The following GET4 variants were observed in gnomAD, a reference collection of about 807,000 sequenced individuals.
The protein encoded by GET4 is guided entry of tail-anchored proteins factor 4, also known as Golgi to ER traffic protein 4 homolog.
GET4 carries 20 observed loss-of-function variants against 40.0 expected under a neutral mutation model. The ratio of observed to expected loss-of-function variants is 0.50; its 90% CI spans 0.35 to 0.73. GET4 has a LOEUF of 0.73. GET4 is among the 30% of genes least tolerant of loss of function. The pLI is 0.01. For synonymous variants in GET4, 280 were observed against 194.6 expected, an observed-to-expected ratio of 1.44 and a Z score of -3.65; for missense variants, 557 against 454.0, an observed-to-expected ratio of 1.23 and a Z score of -2.06.
At chr7:892,489 G>C in intron 6 of GET4, 71 bp downstream of exon 6, 1 of 1,505,750 alleles carries the variant, frequency 6.6e-7, no homozygotes, top group Non-Finnish European at 9.1e-7. Flanking sequence ...GGTGTGGATA[G>C]CTGTGTGGGT....
At chr7:882,095 T>C (rs1327490747) in intron 1 of GET4, 2 of 152,346 alleles carry the variant, frequency 1.3e-5, no homozygotes, top group African/African-American at 4.8e-5. Flanking sequence ...CCAGCTTGAT[T>C]CCATGTCGGT....
At chr7:883,894 A>G in intron 1 of GET4, 1 of 1,024,960 alleles carries the variant, frequency 9.8e-7, no homozygotes, top group Non-Finnish European at 1.2e-6. Flanking sequence ...GCCCCCAGCC[A>G]GGCCGGGGAC....
At chr7:886,709 C>T (rs560931680) in intron 3 of GET4, 59 bp downstream of exon 3, 3 of 1,094,434 alleles carry the variant, frequency 2.7e-6, no homozygotes, top group East Asian at 4.7e-5. Context: ...ACGCCCCTCC[C>T]CGGGTCTCTG....
At chr7:888,219 G>A (rs890421494) in intron 4 of GET4, among the ~76,000 whole-genome samples, 1 of 152,226 alleles carries the variant, frequency 6.6e-6, no homozygotes, top group African/African-American at 2.4e-5. Context: ...CTAGGAACTT[G>A]GATCTAGGCT....
At position 886,311 on chromosome 7, in the gene GET4, G is replaced by C. The variant is rs370767478; in HGVS notation, c.234+177G>C. ...CCTGGCTTGGCTGCTCCACTCTCAA[G>C]ACTGGGGCTCTGCGCTGCGTTTGTG... On this transcript the variant is annotated intron_variant, in intron 2 of 8. Transcript: ENST00000265857. 1.5e-4 allele frequency: 91 copies of C among 615,258 alleles called. 1 individual carries two copies. Among genetic ancestry groups the C allele is most frequent in the African/African-American group, 1.5e-3 (79 of 54,252 alleles). 38.1% of individuals were successfully genotyped at this position (615,258 alleles called of 1,614,324 possible). A position where few individuals can be genotyped will look rare whatever the true frequency, so the allele number is the denominator to read the frequency against.
chr7:895,683 AC>A lies in GET4; in HGVS notation c.*263del. On this transcript the variant is annotated 3_prime_UTR_variant, in exon 9 of 9. Coordinates refer to ENST00000265857, the MANE Select transcript of GET4 (RefSeq NM_015949.3). Reference sequence around the variant, plus strand: ...TGACCCACAATAAAGCACAGGCCTTACCGCGGCGTCACCCTCTCCCACTCCT... The same window carrying A: ...TGACCCACAATAAAGCACAGGCCTTACGCGGCGTCACCCTCTCCCACTCCT... The A allele has an allele frequency of 3.3e-6, 1 of 303,592 alleles. No homozygotes were observed. The highest frequency in any genetic ancestry group is 6.1e-6 in the Non-Finnish European group (1 of 162,696). 18.8% of individuals were successfully genotyped at this position (303,592 alleles called of 1,614,324 possible). A position where few individuals can be genotyped will look rare whatever the true frequency, so the allele number is the denominator to read the frequency against.
intron 3 of GET4, 134 bp from the exon 4 acceptor site, chr7:887,236 C>G: frequency 2.2e-6 from 2 of 901,566 alleles, no homozygotes; most frequent in South Asian, 1.3e-5. Flanking sequence ...TGGTCCACGG[C>G]TCACTCAGGG....
At chr7:878,812 C>T (rs1420518719) in intron 1 of GET4, among the ~76,000 whole-genome samples, 2 of 152,216 alleles carry the variant, frequency 1.3e-5, no homozygotes, top group Non-Finnish European at 2.9e-5. Context: ...AACTCCTGAC[C>T]TCGCGATCCG....
chr7:878,000 C>T, intron 1 of GET4: 1 of 236,650 alleles, frequency 4.2e-6, no homozygotes, highest in East Asian at 1.1e-4. Flanking sequence ...TCCAGCCGGG[C>T]CCTACACCGG....
In GET4 at chr7:893,963, G is replaced by A; in HGVS notation, c.887G>A (p.Gly296Asp). The part of the protein sequence containing the change: ...VPPKQTSSYG[G>D]LLGNLLTSLM... The stretch of plus-strand genomic sequence containing the variant: ...CCCAAGCAGACGTCTTCCTACGGGG[G>A]CCTGCTCGGTAAGCCGGGGCGCCCT... Residue 296 changes from glycine (G) to aspartate (D), a missense_variant, in exon 8 of 9, where the codon GGC (glycine) becomes GAC (aspartate). By Grantham distance (94) the Gly-to-Asp change is moderately conservative. Transcript: ENST00000265857. 2 of 1,596,604 alleles carry A rather than the reference G, an allele frequency of 1.3e-6. No homozygotes were observed. Among genetic ancestry groups the A allele is most frequent in the Admixed American group, 1.7e-5 (1 of 59,062 alleles).
intron 2 of GET4, 97 bp from the exon 3 acceptor site, chr7:886,472 C>G: frequency 1.2e-6 from 1 of 853,484 alleles, no homozygotes; most frequent in Non-Finnish European, 2.0e-6. Context: ...CAGCACCGGC[C>G]GCACTCTGGC....
intron 5 of GET4, among the ~76,000 whole-genome samples, chr7:892,035 G>A (rs889594728): frequency 6.6e-6 from 1 of 152,246 alleles, no homozygotes; most frequent in Admixed American, 6.5e-5. Context: ...CTCAGGCTGG[G>A]GCCCGGCTCC....
intron 1 of GET4, among the ~76,000 whole-genome samples, chr7:877,104 C>T (rs1010665221): frequency 1.3e-5 from 2 of 151,790 alleles, no homozygotes. Context: ...TCCGTCCCCA[C>T]ACGCCCCTCG....
At chr7:878,949 C>T (rs1435225613) in intron 1 of GET4, among the ~76,000 whole-genome samples, 2 of 144,254 alleles carry the variant, frequency 1.4e-5, no homozygotes, top group African/African-American at 5.1e-5. Flanking sequence ...TGAATTCCCC[C>T]TTTGGACAGC....
intron 4 of GET4, among the ~76,000 whole-genome samples, chr7:888,328 T>C (rs1844236726): frequency 6.6e-6 from 1 of 152,238 alleles, no homozygotes; most frequent in Non-Finnish European, 1.5e-5. Context: ...CCACGTACTC[T>C]GCACACATCA....
chr7:895,450 G>C lies in GET4; in HGVS notation c.*28G>C. On this transcript the variant is annotated 3_prime_UTR_variant, in exon 9 of 9. Transcript: ENST00000265857. Reference sequence around the variant, plus strand: ...TGGCCAGGCCACGTGGAGACACCACGGTCGACGACGGCTGGAGGGACGTTT... The same window carrying C: ...TGGCCAGGCCACGTGGAGACACCACCGTCGACGACGGCTGGAGGGACGTTT... The C allele has an allele frequency of 8.3e-7, 1 of 1,202,080 alleles. No individual in the cohort carries two copies. Among genetic ancestry groups the C allele is most frequent in the Non-Finnish European group, 1.2e-6 (1 of 815,386 alleles). The allele number at this position is 1,202,080 out of a possible 1,614,324, so 74.5% of individuals were successfully genotyped here. A position where few individuals can be genotyped will look rare whatever the true frequency, so the allele number is the denominator to read the frequency against.
At chr7:882,158 A>G (rs1430021343) in intron 1 of GET4, 2 of 152,274 alleles carry the variant, frequency 1.3e-5, no homozygotes, top group African/African-American at 4.8e-5. Flanking sequence ...TCTTCATGGT[A>G]GAACCATTTA....
rs1562894588 is a variant in GET4, at chr7:886,047, C to CTGTG, written c.156-8_156-5dup. On this transcript the variant is annotated splice_polypyrimidine_tract_variant and intron_variant, in intron 1 of 8. Transcript: ENST00000265857. ...GTGGGCGTGGCTCACGGTCTCCTCT[C>CTGTG]TGTGGCAGGTACATGTCCCAGAGCA... 1.3e-6 allele frequency: 2 copies of CTGTG among 1,573,826 alleles called. No individual in the cohort carries two copies. The highest frequency in any genetic ancestry group is 2.2e-5 in the South Asian group (2 of 90,416).
At position 886,681 on chromosome 7, in the gene GET4, T is replaced by C. The variant is rs374827776; in HGVS notation, c.316+31T>C. On this transcript the variant is annotated intron_variant, in intron 3 of 8. Coordinates refer to ENST00000265857, the MANE Select transcript of GET4 (RefSeq NM_015949.3). ...CATCCGGCCCTTCACCCCGGGACCC[T>C]GTGACAGCGGCCCCAGTACGCCCCT... 62 of 1,476,292 alleles carry C rather than the reference T, an allele frequency of 4.2e-5. No homozygotes were observed. The African/African-American group carries it at 8.0e-4, about 19-fold the overall frequency. The allele number at this position is 1,476,292 out of a possible 1,614,324, so 91.4% of individuals were successfully genotyped here. A position where few individuals can be genotyped will look rare whatever the true frequency, so the allele number is the denominator to read the frequency against.
Sources: gnomAD v4.1 joint callset for allele counts (sites outside exome capture counted in the v4.1 genomes callset) on GRCh38, gnomAD v4.1.1 for gene constraint, MANE v1.5 for transcripts, NCBI Gene and HGNC (gene_info 2026-07-23, HGNC 2026-07-21) for gene names.